SHISA9: variants seen among roughly 807,000 people sequenced by gnomAD.
SHISA9 encodes protein shisa-9.
Under a neutral mutation model 38.0 loss-of-function variants are expected in SHISA9, and 13 were observed. That is an observed-to-expected ratio of 0.34 (90% CI 0.22 to 0.54). The LOEUF (loss-of-function observed/expected upper bound fraction) is 0.54. Ranked by LOEUF, SHISA9 falls within the 20% of genes least tolerant of loss-of-function variation. The pLI is 0.91. For missense variants in SHISA9, 538 were observed against 575.8 expected, an observed-to-expected ratio of 0.93 and a Z score of 0.67; for synonymous variants, 275 against 242.0, an observed-to-expected ratio of 1.14 and a Z score of -1.27.
the SHISA9 span, among the ~76,000 whole-genome samples, chr16:13,435,214 C>T: frequency 6.7e-6 from 1 of 148,780 alleles, no homozygotes; most frequent in South Asian, 2.1e-4. Flanking sequence ...ATAGATGTAC[C>T]CATTCTTAGA....
At chr16:13,274,550 G>T in the SHISA9 span, among the ~76,000 whole-genome samples, 2 of 152,092 alleles carry the variant, frequency 1.3e-5, no homozygotes, top group African/African-American at 4.8e-5. Context: ...CCAGCCTCTA[G>T]CAGCTGTGCA....
rs71395109 is a variant in SHISA9, at chr16:13,236,301, G to GC, written c.*892_*893insC. The GC allele has an allele frequency of 6.8e-6, 1 of 146,776 alleles. No individual in the cohort carries two copies. Among genetic ancestry groups the GC allele is most frequent in the Non-Finnish European group, 1.5e-5 (1 of 66,942 alleles). The allele number at this position is 146,776 out of a possible 1,614,324, so 9.1% of individuals were successfully genotyped here. A position where few individuals can be genotyped will look rare whatever the true frequency, so the allele number is the denominator to read the frequency against. On this transcript the variant is annotated 3_prime_UTR_variant, in exon 5 of 5. Transcript: ENST00000558583. ...AACAGATAAAAACGGCAAATTAGGT[G>GC]TTTTTTTTTTTTCAAAAATCTTGAA... is the stretch of plus-strand genomic sequence containing the variant.
the SHISA9 span, among the ~76,000 whole-genome samples, chr16:13,304,686 G>A: frequency 5.9e-5 from 9 of 152,158 alleles, no homozygotes; most frequent in South Asian, 8.3e-4. Context: ...TTTTATTCCC[G>A]CAACAATCTT....
At chr16:12,977,841 A>G (rs2072185508) in intron 2 of SHISA9, among the ~76,000 whole-genome samples, 1 of 152,132 alleles carries the variant, frequency 6.6e-6, no homozygotes, top group African/African-American at 2.4e-5. Context: ...GGAGAGTGAG[A>G]GCATCAGCAA....
intron 2 of SHISA9, among the ~76,000 whole-genome samples, chr16:13,070,997 C>T (rs2073506895): frequency 6.6e-6 from 1 of 152,176 alleles, no homozygotes; most frequent in Admixed American, 6.5e-5. Context: ...TCTTCTCTCT[C>T]TTGAGTAACC....
chr16:13,001,201 T>G (rs2072520218), intron 2 of SHISA9, among the ~76,000 whole-genome samples: 1 of 152,238 alleles, frequency 6.6e-6, no homozygotes, highest in African/African-American at 2.4e-5. Flanking sequence ...GTGCTGGGAT[T>G]ACAGGCGTGA....
the SHISA9 span, among the ~76,000 whole-genome samples, chr16:13,319,801 T>TA: frequency 0.45 from 62,253 of 138,422 alleles, 13,893 homozygotes; most frequent in South Asian, 0.62. Context: ...ACAGAGCTGT[T>TA]AAAAAAAAAA....
chr16:12,922,456 CATT>C (rs2071339823), intron 2 of SHISA9, among the ~76,000 whole-genome samples: 1 of 152,238 alleles, frequency 6.6e-6, no homozygotes, highest in African/African-American at 2.4e-5. Flanking sequence ...GTGGCTATCT[CATT>C]AGAGAGGACT....
the SHISA9 span, among the ~76,000 whole-genome samples, chr16:13,272,875 T>C: frequency 6.6e-6 from 1 of 152,212 alleles, no homozygotes; most frequent in East Asian, 1.9e-4. Flanking sequence ...GAACAGATTT[T>C]TTTTATTCTC....
chr16:13,114,533 C>T (rs1352395212), intron 2 of SHISA9, among the ~76,000 whole-genome samples: 1 of 150,590 alleles, frequency 6.6e-6, no homozygotes, highest in African/African-American at 2.4e-5. Flanking sequence ...CAGGTCCCCA[C>T]TACCTCAAAT....
intron 2 of SHISA9, among the ~76,000 whole-genome samples, chr16:13,023,911 G>A (rs1359479465): frequency 6.6e-6 from 1 of 152,190 alleles, no homozygotes; most frequent in Admixed American, 6.5e-5. Flanking sequence ...CACTCCAGAT[G>A]GGGGTAAAAC....
intron 2 of SHISA9, among the ~76,000 whole-genome samples, chr16:13,001,343 G>T (rs983098853): frequency 2.0e-5 from 3 of 152,136 alleles, no homozygotes; most frequent in Admixed American, 1.3e-4. Flanking sequence ...CTCCTCCCTG[G>T]GCTGGCCAAT....
At chr16:13,386,679 A>C in the SHISA9 span, among the ~76,000 whole-genome samples, 1 of 152,192 alleles carries the variant, frequency 6.6e-6, no homozygotes, top group African/African-American at 2.4e-5. Context: ...TGTTTTATAC[A>C]AACGATGTTA....
chr16:13,376,455 T>C, the SHISA9 span, among the ~76,000 whole-genome samples: 3 of 152,230 alleles, frequency 2.0e-5, no homozygotes, highest in African/African-American at 7.2e-5. Context: ...AAATCCCATG[T>C]CAGCCCACTC....
the SHISA9 span, among the ~76,000 whole-genome samples, chr16:13,420,898 A>G: frequency 3.3e-5 from 5 of 152,266 alleles, no homozygotes; most frequent in African/African-American, 1.2e-4. Flanking sequence ...CATTGATTCC[A>G]CTCAAGAGAT....
chr16:13,074,713 G>A (rs2073560657), intron 2 of SHISA9, among the ~76,000 whole-genome samples: 1 of 147,336 alleles, frequency 6.8e-6, no homozygotes, highest in South Asian at 2.2e-4. Context: ...CACCCAGGCT[G>A]GAGTGCAATG....
At chr16:13,111,801 G>C (rs1396520536) in intron 2 of SHISA9, among the ~76,000 whole-genome samples, 1 of 152,180 alleles carries the variant, frequency 6.6e-6, no homozygotes, top group Non-Finnish European at 1.5e-5. Context: ...ATGTGTGGCA[G>C]AATTGTGTTT....
the SHISA9 span, among the ~76,000 whole-genome samples, chr16:13,533,279 C>T: frequency 2.0e-5 from 3 of 152,106 alleles, no homozygotes; most frequent in East Asian, 5.8e-4. Flanking sequence ...GTTTTGGTTC[C>T]CCAGGCAAGC....
chr16:13,047,269 C>T (rs908389450), intron 2 of SHISA9, among the ~76,000 whole-genome samples: 18 of 151,846 alleles, frequency 1.2e-4, no homozygotes, highest in African/African-American at 4.1e-4. Context: ...AAGAAGGGAG[C>T]CAGCTCACTC....
Sources: gnomAD v4.1 joint callset for allele counts (sites outside exome capture counted in the v4.1 genomes callset) on GRCh38, gnomAD v4.1.1 for gene constraint, MANE v1.5 for transcripts, NCBI Gene and HGNC (gene_info 2026-07-23, HGNC 2026-07-21) for gene names.